Variants in CDK8 observed in about 807,000 individuals in gnomAD.
CDK8 encodes cyclin dependent kinase 8, also known as cyclin-dependent kinase 8.
CDK8 carries 29 observed loss-of-function variants against 71.5 expected under a neutral mutation model. The observed-to-expected ratio is 0.41, with a 90% CI of 0.30 to 0.55. The LOEUF is 0.55. CDK8 is among the 20% of genes least tolerant of loss of function. CDK8 has a pLI of 0.37. For synonymous variants in CDK8, 161 were observed against 192.1 expected, an observed-to-expected ratio of 0.84 and a Z score of 1.34; for missense variants, 288 against 572.6, an observed-to-expected ratio of 0.50 and a Z score of 5.07.
chr13:26,382,980 A>G, intron 5 of CDK8, 109 bp downstream of exon 5: 1 of 592,988 alleles, frequency 1.7e-6, no homozygotes, highest in Non-Finnish European at 2.9e-6. Context: ...ATGTAGTTCC[A>G]TATGATCGAA....
chr13:26,287,221 C>A (rs1566472427), intron 1 of CDK8, among the ~76,000 whole-genome samples: 1 of 152,008 alleles, frequency 6.6e-6, no homozygotes, highest in Non-Finnish European at 1.5e-5. Flanking sequence ...TTCACAGTTG[C>A]AAAAAAATGG....
chr13:26,330,982 GTA>G (rs1383244623), intron 1 of CDK8, among the ~76,000 whole-genome samples: 1 of 152,114 alleles, frequency 6.6e-6, no homozygotes, highest in Non-Finnish European at 1.5e-5. Flanking sequence ...GGATTGAATG[GTA>G]TTTCGATTTT....
intron 1 of CDK8, among the ~76,000 whole-genome samples, chr13:26,302,972 C>T (rs1157847616): frequency 5.3e-5 from 8 of 152,292 alleles, no homozygotes; most frequent in African/African-American, 1.7e-4. Context: ...GAATTACTGG[C>T]ATGAGCCACT....
chr13:26,347,306 A>G (rs775314661), intron 2 of CDK8, among the ~76,000 whole-genome samples: 5 of 152,200 alleles, frequency 3.3e-5, no homozygotes, highest in South Asian at 4.1e-4. Context: ...CAACTTTACT[A>G]TGTAATTTAA....
At chr13:26,383,588 A>G (rs1875334756) in intron 5 of CDK8, among the ~76,000 whole-genome samples, 1 of 152,180 alleles carries the variant, frequency 6.6e-6, no homozygotes, top group South Asian at 2.1e-4. Flanking sequence ...AAATGTTTAA[A>G]TTGTATTAAT....
At chr13:26,338,270 A>G (rs1445365767) in intron 2 of CDK8, among the ~76,000 whole-genome samples, 1 of 152,100 alleles carries the variant, frequency 6.6e-6, no homozygotes, top group Non-Finnish European at 1.5e-5. Context: ...GGCTTTACAC[A>G]GAATATTCTA....
Position 26,254,783 on chromosome 13 carries a change from TC to T in CDK8, c.128+15del. ...GAGGAAAGATGGGTGAGTGTGTGTGTCTGGGCCGGTGTCCGCGCTGGGCGGC... is the reference window on the plus strand; with the variant it reads ...GAGGAAAGATGGGTGAGTGTGTGTGTTGGGCCGGTGTCCGCGCTGGGCGGC... On this transcript the variant is annotated intron_variant, in intron 1 of 12. Coordinates refer to ENST00000381527, the MANE Select transcript of CDK8 (RefSeq NM_001260.3). The surrounding 1 kb of genome is among the most constrained non-coding windows in gnomAD (Gnocchi z 6.7). 1 of 1,610,536 alleles carries T rather than the reference TC, an allele frequency of 6.2e-7. No individual in the cohort carries two copies. The highest frequency in any genetic ancestry group is 8.5e-7 in the Non-Finnish European group (1 of 1,178,100).
chr13:26,378,301 A>G (rs1288879218), intron 4 of CDK8, among the ~76,000 whole-genome samples: 1 of 152,208 alleles, frequency 6.6e-6, no homozygotes, highest in African/African-American at 2.4e-5. Context: ...TCCTTGGTGT[A>G]TGCCAAAATC....
At chr13:26,268,577 A>G (rs138348061) in intron 1 of CDK8, among the ~76,000 whole-genome samples, 436 of 152,286 alleles carry the variant, frequency 2.9e-3, no homozygotes, top group African/African-American at 0.01. Flanking sequence ...CAGCCTCCTG[A>G]GTAGCTAGGA....
At chr13:26,379,219 G>C (rs1319504912) in intron 4 of CDK8, among the ~76,000 whole-genome samples, 1 of 152,208 alleles carries the variant, frequency 6.6e-6, no homozygotes, top group East Asian at 1.9e-4. Flanking sequence ...GTTTCTGGCT[G>C]TAGCATGCCC....
intron 1 of CDK8, among the ~76,000 whole-genome samples, chr13:26,298,774 TA>T (rs1873681370): frequency 6.6e-6 from 1 of 152,178 alleles, no homozygotes; most frequent in African/African-American, 2.4e-5. Context: ...AAAGGAGACA[TA>T]GACCACGGCA....
chr13:26,338,493 T>C (rs1333955320), intron 2 of CDK8, among the ~76,000 whole-genome samples: 1 of 152,050 alleles, frequency 6.6e-6, no homozygotes, highest in African/African-American at 2.4e-5. Flanking sequence ...AGCACTGTGA[T>C]AGAAGTATAT....
At chr13:26,288,214 G>T (rs917254963) in intron 1 of CDK8, among the ~76,000 whole-genome samples, 1 of 152,100 alleles carries the variant, frequency 6.6e-6, no homozygotes, top group African/African-American at 2.4e-5. Flanking sequence ...CGCCTGCCTC[G>T]ACCTCCTAAA....
intron 1 of CDK8, among the ~76,000 whole-genome samples, chr13:26,263,278 G>A (rs1593223905): frequency 6.6e-6 from 1 of 152,052 alleles, no homozygotes; most frequent in African/African-American, 2.4e-5. Context: ...TGGGACTACA[G>A]GCGCCCGCCA....
At chr13:26,318,153 A>G (rs775711459) in intron 1 of CDK8, among the ~76,000 whole-genome samples, 2 of 152,142 alleles carry the variant, frequency 1.3e-5, no homozygotes, top group African/African-American at 2.4e-5. Context: ...TAAGAGTACT[A>G]TGAACATAGT....
intron 1 of CDK8, among the ~76,000 whole-genome samples, chr13:26,266,605 G>C (rs1250965630): frequency 6.6e-6 from 1 of 152,160 alleles, no homozygotes; most frequent in African/African-American, 2.4e-5. Context: ...ATAAAGAAGT[G>C]TCTGGGTTAA....
In CDK8 at chr13:26,403,988, T is replaced by G; in HGVS notation, c.1302T>G (p.Pro434=). 1 of 1,613,656 alleles carries G rather than the reference T, an allele frequency of 6.2e-7. No individual in the cohort carries two copies. The highest frequency in any genetic ancestry group is 8.5e-7 in the Non-Finnish European group (1 of 1,180,000). The change falls in exon 13 of 13, where the codon CCT becomes CCG. Residue 434 remains proline, a synonymous_variant. Coordinates refer to ENST00000381527, the MANE Select transcript of CDK8 (RefSeq NM_001260.3). The part of the protein sequence containing the change: ...RSNPHAAYPN[P]GPSTSQPQSS... ...ATCCACATGCTGCCTATCCCAACCCTGGACCAAGCACATCACAGCCGCAGA... is the reference window on the plus strand; with the variant it reads ...ATCCACATGCTGCCTATCCCAACCCGGGACCAAGCACATCACAGCCGCAGA...
intron 1 of CDK8, among the ~76,000 whole-genome samples, chr13:26,317,049 G>A (rs1874543223): frequency 6.6e-6 from 1 of 152,144 alleles, no homozygotes; most frequent in South Asian, 2.1e-4. Context: ...ATGGTATCAA[G>A]TATGAGGAAC....
chr13:26,389,076 C>A (rs776142837), intron 6 of CDK8, among the ~76,000 whole-genome samples: 11 of 152,188 alleles, frequency 7.2e-5, no homozygotes, highest in Admixed American at 5.9e-4. Flanking sequence ...GGTGTGTTTA[C>A]GCATTTAGTG....
Sources: allele counts gnomAD v4.1 joint callset (sites outside exome capture counted in the v4.1 genomes callset), GRCh38; gene constraint gnomAD v4.1.1; non-coding constraint Gnocchi (gnomAD v3.1); transcripts MANE v1.5; gene names NCBI Gene and HGNC (gene_info 2026-07-23, HGNC 2026-07-21).